KIAA0825: variants seen among roughly 807,000 people sequenced by gnomAD.
KIAA0825 encodes the protein uncharacterized protein KIAA0825.
Under a neutral mutation model 147.6 loss-of-function variants are expected in KIAA0825, and 119 were observed. The ratio of observed to expected loss-of-function variants is 0.81; its 90% CI spans 0.69 to 0.94. The LOEUF (loss-of-function observed/expected upper bound fraction) is 0.94, where lower values mean the gene tolerates loss of function less well. Among genes scored for constraint, KIAA0825 ranks in the 40% least tolerant of loss-of-function variants. The pLI, the probability that KIAA0825 is intolerant of heterozygous loss-of-function variation, is 0.00. For missense variants in KIAA0825, 1,381 were observed against 1,472.7 expected (o/e 0.94, Z 1.02); for synonymous variants, 470 against 518.1 (o/e 0.91, Z 1.26).
intron 12 of KIAA0825, among the ~76,000 whole-genome samples, chr5:94,453,423 G>T (rs1007866289): frequency 2.0e-5 from 3 of 150,666 alleles, no homozygotes; most frequent in African/African-American, 7.3e-5. Context: ...CTGAACTCAG[G>T]CAATCCACCC....
intron 20 of KIAA0825, among the ~76,000 whole-genome samples, chr5:94,303,940 T>C (rs1778560027): frequency 6.6e-6 from 1 of 152,064 alleles, no homozygotes; most frequent in African/African-American, 2.4e-5. Context: ...TACAAAGCAA[T>C]TGATTTCTCG....
Position 94,151,423 on chromosome 5 carries a change from C to CAAAAA in KIAA0825, c.*2579_*2583dup, listed in dbSNP as rs11363132. Among the ~76,000 whole-genome samples, 6 of 21,536 alleles carry CAAAAA rather than the reference C, an allele frequency of 2.8e-4. No homozygotes were observed. The highest frequency in any genetic ancestry group is 3.7e-4 in the Non-Finnish European group (4 of 10,924). The allele number at this position is 21,536 out of a possible 152,430, so 14.1% of individuals were successfully genotyped here. A position where few individuals can be genotyped will look rare whatever the true frequency, so the allele number is the denominator to read the frequency against. ...TGGGCGACAGAGCGAGACTCCGTCT[C>CAAAAA]AAAAAAAAAAAAAAAAAAAAAAAAA... On this transcript the variant is annotated 3_prime_UTR_variant, in exon 21 of 21. Transcript: ENST00000682413.
At chr5:94,386,128 C>T (rs917611926) in intron 19 of KIAA0825, 114 bp downstream of exon 19, 1 of 906,144 alleles carries the variant, frequency 1.1e-6, no homozygotes, top group African/African-American at 1.7e-5. Context: ...AGAACAAGGC[C>T]TTTTGCTTCC....
intron 2 of KIAA0825, among the ~76,000 whole-genome samples, chr5:94,542,778 G>C (rs1055217123): frequency 2.6e-5 from 4 of 152,052 alleles, no homozygotes; most frequent in African/African-American, 9.7e-5. Context: ...TTGCACTCCA[G>C]CCTGGGTGAC....
intron 2 of KIAA0825, among the ~76,000 whole-genome samples, chr5:94,563,443 T>A (rs1023342275): frequency 2.0e-5 from 3 of 151,916 alleles, no homozygotes. Context: ...ATAGTGAAAC[T>A]GATGTTCTTG....
intron 5 of KIAA0825, among the ~76,000 whole-genome samples, chr5:94,513,471 A>G (rs1200035749): frequency 6.6e-6 from 1 of 152,200 alleles, no homozygotes; most frequent in Non-Finnish European, 1.5e-5. Flanking sequence ...AGAAGGGAGA[A>G]GTAGATAACA....
At chr5:94,463,782 G>A (rs1760123019) in intron 11 of KIAA0825, among the ~76,000 whole-genome samples, 1 of 151,168 alleles carries the variant, frequency 6.6e-6, no homozygotes, top group African/African-American at 2.4e-5. Flanking sequence ...CTTATTTCAT[G>A]AGGTAACAGT....
chr5:94,398,345 G>A (rs1307965993), intron 16 of KIAA0825, among the ~76,000 whole-genome samples: 1 of 152,138 alleles, frequency 6.6e-6, no homozygotes, highest in Non-Finnish European at 1.5e-5. Flanking sequence ...GAGCCTTGCT[G>A]TCAAAACACT....
Position 94,152,530 on chromosome 5 carries a change from C to A in KIAA0825, c.*1477G>T, listed in dbSNP as rs1382939598. ...TAGTGAGACCCCATCTCTACAAAAA[C>A]ATTTTAAAAATTAACCAGGTGTGGT... On this transcript the variant is annotated 3_prime_UTR_variant, in exon 21 of 21. Coordinates refer to ENST00000682413, the MANE Select transcript of KIAA0825 (RefSeq NM_001145678.3). Among the ~76,000 whole-genome samples, 2 of 150,078 alleles carry A rather than the reference C, an allele frequency of 1.3e-5. No homozygotes were observed. Among genetic ancestry groups the A allele is most frequent in the Non-Finnish European group, 3.0e-5 (2 of 67,492 alleles).
At chr5:94,317,126 G>T (rs565238125) in intron 20 of KIAA0825, among the ~76,000 whole-genome samples, 4 of 151,940 alleles carry the variant, frequency 2.6e-5, no homozygotes, top group African/African-American at 9.6e-5. Context: ...AGTGGGAAGG[G>T]AGTGTGAATC....
At chr5:94,595,030 G>A (rs1272893400) in intron 1 of KIAA0825, among the ~76,000 whole-genome samples, 1 of 152,160 alleles carries the variant, frequency 6.6e-6, no homozygotes, top group Non-Finnish European at 1.5e-5. Flanking sequence ...GCTGCTTTCA[G>A]AGGCTGGCGT....
chr5:94,287,363 A>T (rs1777707174), intron 20 of KIAA0825, among the ~76,000 whole-genome samples: 1 of 152,180 alleles, frequency 6.6e-6, no homozygotes, highest in African/African-American at 2.4e-5. Flanking sequence ...TGCTTAAAAC[A>T]AGCAAGCATC....
chr5:94,550,630 C>T (rs1472772622), intron 2 of KIAA0825, among the ~76,000 whole-genome samples: 7 of 152,142 alleles, frequency 4.6e-5, no homozygotes, highest in Non-Finnish European at 7.3e-5. Context: ...ATCACGAGGT[C>T]AGGAGACCGA....
intron 20 of KIAA0825, among the ~76,000 whole-genome samples, chr5:94,354,161 T>C (rs938578530): frequency 3.3e-5 from 5 of 152,210 alleles, no homozygotes; most frequent in Non-Finnish European, 7.3e-5. Flanking sequence ...GTAAATCGGC[T>C]TGATACTTTC....
intron 20 of KIAA0825, among the ~76,000 whole-genome samples, chr5:94,209,306 C>G (rs1240452734): frequency 1.3e-5 from 2 of 152,140 alleles, no homozygotes; most frequent in Non-Finnish European, 2.9e-5. Context: ...ACACACACCC[C>G]TGAATAGTCC....
intron 2 of KIAA0825, among the ~76,000 whole-genome samples, chr5:94,555,769 G>T (rs1776417912): frequency 6.6e-6 from 1 of 152,140 alleles, no homozygotes; most frequent in African/African-American, 2.4e-5. Flanking sequence ...GTGAAACCAA[G>T]ATAATATAAA....
chr5:94,442,536 T>C (rs1011153471), intron 13 of KIAA0825, among the ~76,000 whole-genome samples: 2 of 152,150 alleles, frequency 1.3e-5, no homozygotes, highest in Non-Finnish European at 2.9e-5. Flanking sequence ...GTTCCAAATG[T>C]GGTGCCAAAG....
chr5:94,609,619 C>G (rs779553829), intron 1 of KIAA0825, among the ~76,000 whole-genome samples: 14 of 151,960 alleles, frequency 9.2e-5, no homozygotes, highest in East Asian at 1.9e-4. Context: ...TAAAGTTAAT[C>G]AAAAGAATAA....
chr5:94,396,381 C>G lies in KIAA0825; in HGVS notation c.3016G>C (p.Val1006Leu), dbSNP rs1750654104. Reference protein sequence around the residue: ...LSERKMSKKFVELKKAGLLVW... With the variant: ...LSERKMSKKFLELKKAGLLVW... ...AGCAGGCCAGCTTTCTTCAATTCAA[C>G]AAATTTTTTTGACATTTTTCTCTCA... Residue 1006 changes from valine (V) to leucine (L), a missense_variant, in exon 17 of 21, where the codon GTT becomes CTT. Transcript: ENST00000682413. 6.4e-7 allele frequency: 1 copy of G among 1,550,402 alleles called. No homozygotes were observed. The highest frequency in any genetic ancestry group is 2.4e-5 in the East Asian group (1 of 40,864).
Sources: gnomAD v4.1 joint callset for allele counts (sites outside exome capture counted in the v4.1 genomes callset) on GRCh38, gnomAD v4.1.1 for gene constraint, MANE v1.5 for transcripts, NCBI Gene and HGNC (gene_info 2026-07-23, HGNC 2026-07-21) for gene names.